The following HNRNPUL1 variants were observed in gnomAD, a reference collection of about 807,000 sequenced individuals.
The protein encoded by HNRNPUL1 is heterogeneous nuclear ribonucleoprotein U-like protein 1.
A neutral mutation model predicts 108.5 loss-of-function variants in HNRNPUL1; 14 were observed. The ratio of observed to expected loss-of-function variants is 0.13; its 90% CI spans 0.09 to 0.20. The LOEUF (loss-of-function observed/expected upper bound fraction) is 0.20. Ranked by LOEUF, HNRNPUL1 falls within the 10% of genes least tolerant of loss-of-function variation. The pLI, the probability that HNRNPUL1 is intolerant of heterozygous loss-of-function variation, is 1.00. For missense variants in HNRNPUL1, 804 were observed against 1,168.3 expected, an observed-to-expected ratio of 0.69 and a Z score of 4.55; for synonymous variants, 422 against 445.2, an observed-to-expected ratio of 0.95 and a Z score of 0.66.
intron 2 of HNRNPUL1, among the ~76,000 whole-genome samples, chr19:41,270,218 G>C (rs888384068): frequency 2.0e-5 from 3 of 151,806 alleles, no homozygotes; most frequent in Non-Finnish European, 2.9e-5. Flanking sequence ...CTTGACCTCA[G>C]GTGATCCGCC....
At chr19:41,285,889 C>G (rs1036504494) in intron 7 of HNRNPUL1, among the ~76,000 whole-genome samples, 2 of 152,168 alleles carry the variant, frequency 1.3e-5, no homozygotes, top group Non-Finnish European at 2.9e-5. Flanking sequence ...TAACTACTGG[C>G]TGAGCGCAGT....
Position 41,276,295 on chromosome 19 carries a change from G to C in HNRNPUL1, c.783G>C (p.Met261Ile). 1 of 1,603,420 alleles carries C rather than the reference G, an allele frequency of 6.2e-7. No individual in the cohort carries two copies. Among genetic ancestry groups the C allele is most frequent in the Non-Finnish European group, 8.5e-7 (1 of 1,172,244 alleles). The change falls in exon 5 of 15, where the codon ATG becomes ATC. Residue 261 changes from methionine (M) to isoleucine (I), a missense_variant. Transcript: ENST00000392006. ...GVRRGRVCFE[M>I]KINEEISVKH... ...GAAGGGGCCGTGTATGCTTCGAGAT[G>C]AAGGTGAGTAGGAGCAAGAGAAGGG...
intron 6 of HNRNPUL1, among the ~76,000 whole-genome samples, chr19:41,280,620 A>G (rs1388897960): frequency 6.6e-6 from 1 of 152,144 alleles, no homozygotes; most frequent in Non-Finnish European, 1.5e-5. Context: ...TTCTAACAGC[A>G]TACTCTTTGG....
chr19:41,285,485 C>T (rs549418868), intron 7 of HNRNPUL1, among the ~76,000 whole-genome samples: 24 of 152,128 alleles, frequency 1.6e-4, no homozygotes, highest in Non-Finnish European at 2.6e-4. Context: ...GATTATAGGC[C>T]GGAGACACCA....
intron 6 of HNRNPUL1, 53 bp downstream of exon 6, chr19:41,279,229 T>C: frequency 1.5e-6 from 2 of 1,308,584 alleles, no homozygotes; most frequent in South Asian, 1.2e-5. Context: ...GTCCCTACCC[T>C]TGGATTTTCA....
intron 14 of HNRNPUL1, among the ~76,000 whole-genome samples, chr19:41,306,211 A>G (rs1480262369): frequency 6.6e-6 from 1 of 152,182 alleles, no homozygotes; most frequent in Admixed American, 6.5e-5. Flanking sequence ...TTTGACTATG[A>G]TATCTAGCTA....
intron 1 of HNRNPUL1, among the ~76,000 whole-genome samples, chr19:41,266,304 G>C (rs927969832): frequency 2.0e-5 from 3 of 152,034 alleles, no homozygotes; most frequent in Non-Finnish European, 2.9e-5. Context: ...CTGGTGGTGT[G>C]CGCCTGTAGT....
chr19:41,284,573 C>G (rs774551697), intron 7 of HNRNPUL1, among the ~76,000 whole-genome samples: 1 of 151,834 alleles, frequency 6.6e-6, no homozygotes, highest in Non-Finnish European at 1.5e-5. Flanking sequence ...GGCTGAGGAT[C>G]GCTTGAGCCC....
intron 7 of HNRNPUL1, among the ~76,000 whole-genome samples, chr19:41,287,207 G>C (rs921598388): frequency 6.6e-6 from 1 of 151,732 alleles, no homozygotes; most frequent in African/African-American, 2.4e-5. Flanking sequence ...GTAGAGACAG[G>C]GTTTCACCAT....
Position 41,276,095 on chromosome 19 carries a change from C to T in HNRNPUL1, c.647-64C>T, listed in dbSNP as rs549766552. 165 of 1,606,534 alleles carry T rather than the reference C, an allele frequency of 1.0e-4. No homozygotes were observed. The East Asian group carries it at 3.4e-3, about 33-fold the overall frequency. On this transcript the variant is annotated intron_variant, in intron 4 of 14. Coordinates refer to ENST00000392006, the MANE Select transcript of HNRNPUL1 (RefSeq NM_007040.6). ...TCCAGCCTGGGCAAAAAGAGTGAAA[C>T]TCCGTCTCAAGAAAACAAAACAAAA...
In HNRNPUL1 at chr19:41,305,777, C is replaced by T; in HGVS notation, c.2364C>T (p.Ser788=). The change falls in exon 14 of 15, where the codon AGC becomes AGT. Residue 788 remains serine (S), a synonymous_variant. Coordinates refer to ENST00000392006, the MANE Select transcript of HNRNPUL1 (RefSeq NM_007040.6). ...CACCACCTGCCTACAACTATGGGAG[C>T]TACGGCGGTTACAACCCGGCCCCCT... ...PPPPPAYNYG[S]YGGYNPAPYT... is the part of the protein sequence containing the mutation. 1 of 1,613,792 alleles carries T rather than the reference C, an allele frequency of 6.2e-7. No homozygotes were observed. The highest frequency in any genetic ancestry group is 1.1e-5 in the South Asian group (1 of 91,072).
intron 1 of HNRNPUL1, chr19:41,265,194 C>A (rs3786554): frequency 1.4e-6 from 2 of 1,475,006 alleles, no homozygotes; most frequent in African/African-American, 1.4e-5. Flanking sequence ...GCTTGGCGGT[C>A]GTGCTAGCCC....
At chr19:41,302,643 T>C in intron 11 of HNRNPUL1, 22 bp from the exon 12 acceptor site, 1 of 1,614,108 alleles carries the variant, frequency 6.2e-7, no homozygotes, top group Non-Finnish European at 8.5e-7. Flanking sequence ...TTGTTCTCTT[T>C]GGGGCACTTC....
At chr19:41,282,245 C>T (rs1260208063) in intron 7 of HNRNPUL1, among the ~76,000 whole-genome samples, 3 of 151,902 alleles carry the variant, frequency 2.0e-5, no homozygotes, top group South Asian at 2.1e-4. Flanking sequence ...AGCAATGGTG[C>T]GATCTCGGCT....
chr19:41,280,823 G>C (rs965023448), intron 6 of HNRNPUL1: 5 of 248,542 alleles, frequency 2.0e-5, no homozygotes, highest in African/African-American at 1.1e-4. Context: ...TGAATATTGG[G>C]TGTCACAAGG....
chr19:41,296,208 GTCTAGAGTGGATCGTCTAACA>G (rs1458320507), intron 10 of HNRNPUL1, among the ~76,000 whole-genome samples: 1 of 152,214 alleles, frequency 6.6e-6, no homozygotes, highest in Non-Finnish European at 1.5e-5. Flanking sequence ...AATGATTATA[GTCTAGAGTGGATCGTCTAACA>G]TCTCTGTCCA....
intron 2 of HNRNPUL1, among the ~76,000 whole-genome samples, chr19:41,270,409 T>C (rs77847205): frequency 1.4e-5 from 2 of 147,074 alleles, no homozygotes; most frequent in Non-Finnish European, 3.1e-5. Context: ...TCCAAAAAAA[T>C]TTTTTTTTTA....
chr19:41,278,127 T>C (rs1478685098), intron 5 of HNRNPUL1, among the ~76,000 whole-genome samples: 1 of 152,034 alleles, frequency 6.6e-6, no homozygotes, highest in East Asian at 1.9e-4. Flanking sequence ...TGGCGCAATC[T>C]CTGCTTACTG....
chr19:41,305,245 A>C (rs945635346), intron 13 of HNRNPUL1, among the ~76,000 whole-genome samples: 1 of 152,194 alleles, frequency 6.6e-6, no homozygotes, highest in African/African-American at 2.4e-5. Flanking sequence ...CACTTAGTCA[A>C]TTGCCACTAC....
Sources: gnomAD v4.1 joint callset for allele counts (sites outside exome capture counted in the v4.1 genomes callset) on GRCh38, gnomAD v4.1.1 for gene constraint, MANE v1.5 for transcripts, NCBI Gene and HGNC (gene_info 2026-07-23, HGNC 2026-07-21) for gene names.